The following APBA2 variants were observed in gnomAD, a reference collection of about 807,000 sequenced individuals.
The protein encoded by APBA2 is amyloid beta precursor protein binding family A member 2.
In APBA2, 30 loss-of-function variants were observed where a neutral mutation model predicts 75.0. That is an observed-to-expected ratio of 0.40 (90% CI 0.30 to 0.54). APBA2 has a LOEUF of 0.54. Among genes scored for constraint, APBA2 ranks in the 20% least tolerant of loss-of-function variants. The pLI is 0.49. For synonymous variants in APBA2, 444 were observed against 409.6 expected (o/e 1.08, Z -1.01); for missense variants, 801 against 1,016.1 (o/e 0.79, Z 2.88).
chr15:28,947,873 A>G (rs1229571336), intron 2 of APBA2, among the ~76,000 whole-genome samples: 1 of 151,966 alleles, frequency 6.6e-6, no homozygotes, highest in Non-Finnish European at 1.5e-5. Flanking sequence ...TTCAAAACTG[A>G]CTAATGTCTC....
chr15:28,888,258 G>A (rs955813444), intron 1 of APBA2, among the ~76,000 whole-genome samples: 2 of 152,202 alleles, frequency 1.3e-5, no homozygotes, highest in Non-Finnish European at 2.9e-5. Flanking sequence ...ATAAAAATAA[G>A]AGATAATTGT....
intron 2 of APBA2, among the ~76,000 whole-genome samples, chr15:28,967,976 A>G (rs2036832382): frequency 6.6e-6 from 1 of 152,180 alleles, no homozygotes; most frequent in African/African-American, 2.4e-5. Context: ...ACCCCCTGGC[A>G]ACCACCATTC....
At chr15:28,916,754 T>G (rs2033706896) in intron 1 of APBA2, among the ~76,000 whole-genome samples, 1 of 152,250 alleles carries the variant, frequency 6.6e-6, no homozygotes, top group Non-Finnish European at 1.5e-5. Flanking sequence ...CCCTGCCTCT[T>G]TAAAAACGCC....
chr15:29,024,261 G>A (rs1018182698), intron 3 of APBA2, among the ~76,000 whole-genome samples: 14 of 152,096 alleles, frequency 9.2e-5, no homozygotes, highest in Non-Finnish European at 1.6e-4. Context: ...TAAGTTCAGC[G>A]TGCACTTTAA....
Position 29,054,830 on chromosome 15 carries a change from G to A in APBA2, c.946G>A (p.Glu316Lys), listed in dbSNP as rs1379131912. The A allele has an allele frequency of 1.2e-5, 19 of 1,597,622 alleles. No individual in the cohort carries two copies. The highest frequency in any genetic ancestry group is 1.3e-5 in the African/African-American group (1 of 74,872). The change falls in exon 4 of 15, where the codon GAG (glutamate) becomes AAG (lysine). Residue 316 changes from glutamate to lysine, a missense_variant. Glu to Lys is a moderately conservative substitution (Grantham distance 56, BLOSUM62 1). This residue lies in a region of APBA2 where 434 missense variants were observed against 471.6 expected (regional missense o/e 0.92). Transcript: ENST00000683413. The surrounding 1 kb of genome is among the most constrained non-coding windows in gnomAD (Gnocchi z 6.1). ...AGAAGAGAGGCTGAAGTGGCCCCAC[G>A]AGCAGGTAGGACCCTGGCTGTCCTG... ...TPEERLKWPH[E>K]QVCNGLEQPR... is the part of the protein sequence containing the mutation.
intron 2 of APBA2, among the ~76,000 whole-genome samples, chr15:28,927,194 G>GA (rs2034315023): frequency 6.6e-6 from 1 of 151,976 alleles, no homozygotes; most frequent in Non-Finnish European, 1.5e-5. Flanking sequence ...TTTCTGATGA[G>GA]AAGTGGGCTG....
chr15:29,092,931 C>T (rs1566998742), intron 6 of APBA2, 144 bp from the exon 7 acceptor site: 2 of 1,093,868 alleles, frequency 1.8e-6, no homozygotes, highest in Non-Finnish European at 2.8e-6. Context: ...CCGCCCGTGG[C>T]TGGCTGCAGA....
intron 2 of APBA2, among the ~76,000 whole-genome samples, chr15:28,950,237 T>A (rs916969015): frequency 3.9e-5 from 6 of 152,228 alleles, no homozygotes; most frequent in African/African-American, 1.4e-4. Flanking sequence ...ATTTTCAACA[T>A]ACATCAATGT....
chr15:28,903,473 C>T (rs928253715), intron 1 of APBA2, among the ~76,000 whole-genome samples: 2 of 152,158 alleles, frequency 1.3e-5, no homozygotes, highest in African/African-American at 4.8e-5. Flanking sequence ...GAAAAACAGC[C>T]CTGGCCACTG....
intron 4 of APBA2, among the ~76,000 whole-genome samples, chr15:29,064,825 G>A (rs187240941): frequency 9.2e-5 from 14 of 152,300 alleles, no homozygotes; most frequent in South Asian, 2.1e-4. Flanking sequence ...GGGCAGTTAG[G>A]AGATATCTTA....
chr15:28,993,964 C>T (rs977337367), intron 2 of APBA2, among the ~76,000 whole-genome samples: 1 of 152,198 alleles, frequency 6.6e-6, no homozygotes, highest in Non-Finnish European at 1.5e-5. Context: ...TCTCACTGAT[C>T]CACTTGGGGT....
intron 2 of APBA2, among the ~76,000 whole-genome samples, chr15:28,922,815 G>A (rs1202670489): frequency 6.6e-6 from 1 of 152,158 alleles, no homozygotes; most frequent in Non-Finnish European, 1.5e-5. Flanking sequence ...GGTCCTTCAG[G>A]TATTCGGTGA....
chr15:28,983,542 C>T (rs139461308), intron 2 of APBA2, among the ~76,000 whole-genome samples: 11 of 152,176 alleles, frequency 7.2e-5, no homozygotes, highest in African/African-American at 2.7e-4. Flanking sequence ...CTTTTCTCTT[C>T]GAGGCTGGTT....
At chr15:28,936,853 G>C (rs576556685) in intron 2 of APBA2, among the ~76,000 whole-genome samples, 1 of 152,308 alleles carries the variant, frequency 6.6e-6, no homozygotes, top group South Asian at 2.1e-4. Context: ...GGACAGACAG[G>C]AGACCAGGGG....
intron 3 of APBA2, among the ~76,000 whole-genome samples, chr15:29,001,121 A>G (rs4779669): frequency 0.27 from 40,451 of 152,028 alleles, 8,506 homozygotes; most frequent in African/African-American, 0.57. Flanking sequence ...TGCTTGTCCC[A>G]TATCCTCCAG....
chr15:29,043,694 A>C (rs1280242573), intron 3 of APBA2, among the ~76,000 whole-genome samples: 2 of 152,322 alleles, frequency 1.3e-5, no homozygotes, highest in East Asian at 3.9e-4. Flanking sequence ...GCTAACACTG[A>C]TTTATCTAGG....
At position 29,053,932 on chromosome 15, in the gene APBA2, T is replaced by G. The variant is rs750653807; in HGVS notation, c.48T>G (p.His16Gln). 6.2e-7 allele frequency: 1 copy of G among 1,613,608 alleles called. No homozygotes were observed. The highest frequency in any genetic ancestry group is 1.3e-5 in the African/African-American group (1 of 74,808). Residue 16 changes from histidine to glutamine, a missense_variant, in exon 4 of 15, where the codon CAT (histidine) becomes CAG (glutamine). Transcript: ENST00000683413. ...GCGTGGGGAGCGGCATGTTGGACCA[T>G]AGGGTGAGACCAGGTCCTGTCCCTC... ...LESVGSGMLD[H>Q]RVRPGPVPHS...
chr15:28,956,107 C>T (rs1179966740), intron 2 of APBA2, among the ~76,000 whole-genome samples: 1 of 152,152 alleles, frequency 6.6e-6, no homozygotes, highest in African/African-American at 2.4e-5. Context: ...TCCAGCTGGT[C>T]ATCCTCAGCA....
At chr15:28,962,078 A>T (rs2036501610) in intron 2 of APBA2, among the ~76,000 whole-genome samples, 1 of 152,064 alleles carries the variant, frequency 6.6e-6, no homozygotes, top group African/African-American at 2.4e-5. Context: ...AATTTATTTT[A>T]ATCTATCGTC....
Sources: gnomAD v4.1 joint callset for allele counts (sites outside exome capture counted in the v4.1 genomes callset) on GRCh38, gnomAD v4.1.1 for gene constraint, gnomAD v4.1.1 regional missense constraint, Gnocchi (gnomAD v3.1) non-coding constraint, MANE v1.5 for transcripts, NCBI Gene and HGNC (gene_info 2026-07-23, HGNC 2026-07-21) for gene names.